Variants in SLIT3 observed in about 807,000 individuals in gnomAD.
SLIT3 encodes the protein slit guidance ligand 3, also known as slit homolog 3 protein.
A neutral mutation model predicts 184.0 loss-of-function variants in SLIT3; 68 were observed. That is an observed-to-expected ratio of 0.37 (90% CI 0.30 to 0.45). SLIT3 has a LOEUF of 0.45. SLIT3 is among the 20% of genes least tolerant of loss of function. SLIT3 has a pLI of 1.00. For synonymous variants in SLIT3, 831 were observed against 828.6 expected (o/e 1.00, Z -0.05); for missense variants, 1,707 against 2,026.0 (o/e 0.84, Z 3.02).
chr5:168,980,788 G>A (rs1189830729), intron 4 of SLIT3, among the ~76,000 whole-genome samples: 1 of 152,170 alleles, frequency 6.6e-6, no homozygotes, highest in African/African-American at 2.4e-5. Flanking sequence ...ATTGAATTTA[G>A]CATTATATCC....
chr5:168,856,800 T>G (rs1006142594), intron 5 of SLIT3, among the ~76,000 whole-genome samples: 1 of 141,432 alleles, frequency 7.1e-6, no homozygotes, highest in Non-Finnish European at 1.5e-5. Flanking sequence ...TGTGTGTGTG[T>G]GTGTGTGCGC....
At chr5:169,215,889 T>A (rs556554483) in intron 3 of SLIT3, among the ~76,000 whole-genome samples, 2 of 152,366 alleles carry the variant, frequency 1.3e-5, no homozygotes, top group African/African-American at 4.8e-5. Context: ...ATCATCATCA[T>A]AATATTTATG....
intron 4 of SLIT3, among the ~76,000 whole-genome samples, chr5:169,096,226 G>GT (rs991228589): frequency 2.0e-5 from 3 of 152,238 alleles, no homozygotes; most frequent in African/African-American, 7.2e-5. Context: ...CTGCCACAGT[G>GT]TAAGTATAGC....
chr5:169,298,137 C>G (rs894013236), intron 1 of SLIT3, among the ~76,000 whole-genome samples: 2 of 152,166 alleles, frequency 1.3e-5, no homozygotes, highest in African/African-American at 4.8e-5. Context: ...GACTGTCCCC[C>G]ATTCCCAGGG....
Position 168,883,794 on chromosome 5 carries a change from G to T in SLIT3, c.414-458C>A, listed in dbSNP as rs143108261. ...AGGACAATCTGCCTTTGTCACAGGG[G>T]ATTGGAACAGAGCCTGCCCATTCTG... On this transcript the variant is annotated intron_variant, in intron 4 of 35. Transcript: ENST00000519560. 5.5e-4 allele frequency among the ~76,000 whole-genome samples: 84 copies of T among 152,194 alleles called. 1 individual carries two copies. In the East Asian group the frequency reaches 0.016, roughly 30 times the overall value.
chr5:168,723,215 C>CCGT (rs2113372514), intron 21 of SLIT3, among the ~76,000 whole-genome samples: 1 of 152,128 alleles, frequency 6.6e-6, no homozygotes, highest in South Asian at 2.1e-4. Context: ...TCCCATCCAT[C>CCGT]CGTCCATCCA....
At chr5:168,987,700 G>A (rs1755182548) in intron 4 of SLIT3, among the ~76,000 whole-genome samples, 2 of 152,194 alleles carry the variant, frequency 1.3e-5, no homozygotes, top group Admixed American at 1.3e-4. Context: ...TAAACCCAGA[G>A]GCATTTAGTC....
chr5:168,800,660 G>C (rs993504246), intron 9 of SLIT3, among the ~76,000 whole-genome samples: 2 of 152,190 alleles, frequency 1.3e-5, no homozygotes, highest in Non-Finnish European at 2.9e-5. Flanking sequence ...TTGATCCATA[G>C]AGAAGATGAG....
intron 4 of SLIT3, among the ~76,000 whole-genome samples, chr5:168,951,199 G>C (rs573817600): frequency 1.3e-5 from 2 of 152,180 alleles, no homozygotes; most frequent in South Asian, 4.1e-4. Context: ...CAGCCTGGGC[G>C]ACAGAGCAAG....
At chr5:169,247,989 G>A (rs539916426) in intron 2 of SLIT3, among the ~76,000 whole-genome samples, 12 of 152,242 alleles carry the variant, frequency 7.9e-5, no homozygotes, top group African/African-American at 2.2e-4. Context: ...GAGAGTCACC[G>A]GCAGGAGATC....
intron 3 of SLIT3, among the ~76,000 whole-genome samples, chr5:169,195,724 C>G (rs1466595854): frequency 6.6e-6 from 1 of 152,084 alleles, no homozygotes; most frequent in African/African-American, 2.4e-5. Flanking sequence ...ACGGTTTTCA[C>G]CATGTTGGCC....
intron 14 of SLIT3, among the ~76,000 whole-genome samples, chr5:168,769,550 C>G (rs1755469497): frequency 6.6e-6 from 1 of 152,164 alleles, no homozygotes; most frequent in Admixed American, 6.5e-5. Context: ...CCTAAGGTCT[C>G]TCATCACACG....
intron 3 of SLIT3, among the ~76,000 whole-genome samples, chr5:169,227,510 C>T (rs1026605800): frequency 6.6e-6 from 1 of 152,176 alleles, no homozygotes; most frequent in Non-Finnish European, 1.5e-5. Flanking sequence ...TTACTGCAAC[C>T]TCCCCCTCCT....
intron 4 of SLIT3, among the ~76,000 whole-genome samples, chr5:168,938,197 T>C (rs1762220724): frequency 6.6e-6 from 1 of 152,244 alleles, no homozygotes; most frequent in Non-Finnish European, 1.5e-5. Context: ...TGGCAGAATA[T>C]GAGGCAAAGA....
chr5:168,886,328 C>T (rs777228750), intron 4 of SLIT3, among the ~76,000 whole-genome samples: 9 of 152,090 alleles, frequency 5.9e-5, no homozygotes, highest in Non-Finnish European at 8.8e-5. Context: ...CTGGGCGCTT[C>T]ATTTTCGGTA....
At chr5:168,732,715 G>A (rs1179925016) in intron 20 of SLIT3, among the ~76,000 whole-genome samples, 1 of 151,942 alleles carries the variant, frequency 6.6e-6, no homozygotes. Context: ...TATACACTGG[G>A]GAAATGACAC....
chr5:168,690,786 A>G (rs1582533913), intron 29 of SLIT3, among the ~76,000 whole-genome samples: 1 of 70,950 alleles, frequency 1.4e-5, no homozygotes, highest in African/African-American at 7.1e-5. Context: ...CTGAAGCTTC[A>G]TTTGGTCTCA....
chr5:169,109,679 T>C (rs1249334225), intron 4 of SLIT3, among the ~76,000 whole-genome samples: 1 of 152,186 alleles, frequency 6.6e-6, no homozygotes, highest in Non-Finnish European at 1.5e-5. Context: ...GTTTAGGCAC[T>C]ACCATCTCCC....
At chr5:168,963,519 A>C (rs1280397628) in intron 4 of SLIT3, among the ~76,000 whole-genome samples, 1 of 152,230 alleles carries the variant, frequency 6.6e-6, no homozygotes, top group African/African-American at 2.4e-5. Flanking sequence ...TCACCACACA[A>C]GGCAAAGGTG....
Sources: gnomAD v4.1 joint callset for allele counts (sites outside exome capture counted in the v4.1 genomes callset) on GRCh38, gnomAD v4.1.1 for gene constraint, MANE v1.5 for transcripts, NCBI Gene and HGNC (gene_info 2026-07-23, HGNC 2026-07-21) for gene names.